INSYN2A: variants seen among roughly 807,000 people sequenced by gnomAD.
INSYN2A encodes family with sequence similarity 196 member A.
INSYN2A carries 17 observed loss-of-function variants against 39.4 expected under a neutral mutation model. The observed-to-expected ratio is 0.43, with a 90% CI of 0.30 to 0.65. The LOEUF is 0.65. Among genes scored for constraint, INSYN2A ranks in the 30% least tolerant of loss-of-function variants. The pLI is 0.14. For missense variants in INSYN2A, 595 were observed against 631.2 expected, an observed-to-expected ratio of 0.94 and a Z score of 0.61; for synonymous variants, 255 against 265.7, an observed-to-expected ratio of 0.96 and a Z score of 0.39.
intron 1 of INSYN2A, among the ~76,000 whole-genome samples, chr10:127,195,297 G>A (rs1336483858): frequency 6.6e-6 from 1 of 152,112 alleles, no homozygotes; most frequent in African/African-American, 2.4e-5. Flanking sequence ...CCGCCAGCTC[G>A]CAGTCTCTTA....
At chr10:127,184,121 G>C (rs2133999204) in intron 2 of INSYN2A, among the ~76,000 whole-genome samples, 1 of 152,210 alleles carries the variant, frequency 6.6e-6, no homozygotes, top group South Asian at 2.1e-4. Flanking sequence ...AGGGTGGCCT[G>C]GACTCAACCC....
Position 127,175,676 on chromosome 10 carries a change from G to A in INSYN2A, c.720C>T (p.Pro240=), listed in dbSNP as rs770775490. The A allele has an allele frequency of 8.1e-6, 13 of 1,613,552 alleles. No homozygotes were observed. The highest frequency in any genetic ancestry group is 6.7e-5 in the East Asian group (3 of 44,872). ...QDRGRPNSEE[P]APPALRRVFK... ...ACACCCTCCTGAGGGCAGGTGGAGCGGGCTCCTCGGAGTTTGGCCTCCCCC... is the reference window on the plus strand; with the variant it reads ...ACACCCTCCTGAGGGCAGGTGGAGCAGGCTCCTCGGAGTTTGGCCTCCCCC... The change falls in exon 4 of 6, where the codon CCC becomes CCT. Residue 240 remains proline (P), a synonymous_variant. Transcript: ENST00000522781. The surrounding 1 kb of genome is among the most constrained non-coding windows in gnomAD (Gnocchi z 6.3).
At chr10:127,147,919 T>C (rs1234134604) in intron 5 of INSYN2A, among the ~76,000 whole-genome samples, 5 of 149,956 alleles carry the variant, frequency 3.3e-5, no homozygotes, top group African/African-American at 1.2e-4. Flanking sequence ...TAGTCCCAGC[T>C]ACTCGGGAGG....
intron 5 of INSYN2A, among the ~76,000 whole-genome samples, chr10:127,149,584 G>A (rs2052278906): frequency 1.3e-5 from 2 of 152,152 alleles, no homozygotes; most frequent in Non-Finnish European, 2.9e-5. Context: ...GAAACACGGT[G>A]GATAGCTATG....
At chr10:127,152,541 G>A (rs552270989) in intron 5 of INSYN2A, among the ~76,000 whole-genome samples, 1 of 152,164 alleles carries the variant, frequency 6.6e-6, no homozygotes, top group East Asian at 1.9e-4. Flanking sequence ...CTAAGGTGGG[G>A]GTGGTTTCAG....
chr10:127,175,836 G>A lies in INSYN2A; in HGVS notation c.560C>T (p.Pro187Leu), dbSNP rs1265877542. ...GGGCTCTGTGCAGTTGACCCCCAAA[G>A]GCTGGTCCACTGTGTTCATGTGTTG... ...SNQHMNTVDQPLGVNCTEPCK... is the reference protein window; with the variant it reads ...SNQHMNTVDQLLGVNCTEPCK... The change falls in exon 4 of 6, where the codon CCT becomes CTT. Residue 187 changes from proline (P) to leucine (L), a missense_variant. By Grantham distance (98) the Pro-to-Leu change is moderately conservative. This residue lies in a region of INSYN2A where 478 missense variants were observed against 467.4 expected (regional missense o/e 1.02). Coordinates refer to ENST00000522781, the MANE Select transcript of INSYN2A (RefSeq NM_001039762.3). The surrounding 1 kb of genome is among the most constrained non-coding windows in gnomAD (Gnocchi z 6.3). 6.2e-7 allele frequency: 1 copy of A among 1,614,046 alleles called. No individual in the cohort carries two copies. Among genetic ancestry groups the A allele is most frequent in the Non-Finnish European group, 8.5e-7 (1 of 1,180,044 alleles).
rs536319972 is a variant in INSYN2A, at chr10:127,166,135, G to A, written c.1184+9077C>T. 2.5e-4 allele frequency among the ~76,000 whole-genome samples: 38 copies of A among 152,116 alleles called. No homozygotes were observed. In the South Asian group the frequency reaches 5.4e-3, roughly 22 times the overall value. ...GGCTGGAGTGCAGGGGCACAATCTC[G>A]GCTCACTGCAAGCTCTGCCTCCCGG... is the stretch of plus-strand genomic sequence containing the variant. On this transcript the variant is annotated intron_variant, in intron 4 of 5. Transcript: ENST00000522781.
intron 4 of INSYN2A, among the ~76,000 whole-genome samples, chr10:127,165,565 T>C (rs2053999337): frequency 6.6e-6 from 1 of 152,220 alleles, no homozygotes; most frequent in Non-Finnish European, 1.5e-5. Context: ...CTTTCCAGCC[T>C]ATCTTTAAGG....
At chr10:127,168,963 C>CTGATT (rs1274949166) in intron 4 of INSYN2A, among the ~76,000 whole-genome samples, 1 of 152,132 alleles carries the variant, frequency 6.6e-6, no homozygotes, top group Non-Finnish European at 1.5e-5. Context: ...TTTCTTATCC[C>CTGATT]CTGACAGGTC....
chr10:127,181,866 C>G (rs2055767976), intron 2 of INSYN2A, among the ~76,000 whole-genome samples: 1 of 152,212 alleles, frequency 6.6e-6, no homozygotes, highest in Non-Finnish European at 1.5e-5. Context: ...ACTGGAAGTC[C>G]TCTTTTCCTT....
At chr10:127,192,919 G>T (rs767527797) in intron 1 of INSYN2A, among the ~76,000 whole-genome samples, 189 bp from the exon 2 acceptor site, 1 of 152,088 alleles carries the variant, frequency 6.6e-6, no homozygotes, top group Non-Finnish European at 1.5e-5. Flanking sequence ...TAAATAAACT[G>T]ATTAAAAGTC....
In INSYN2A at chr10:127,145,891, G is replaced by A. The variant is rs746685449; in HGVS notation, c.1257-7871C>T. Reference sequence around the variant, plus strand: ...GTGTCATCTGGTGTCACCAGTGACCGGTCTAAACGTCAGCCTGTGCATTCC... The same window carrying A: ...GTGTCATCTGGTGTCACCAGTGACCAGTCTAAACGTCAGCCTGTGCATTCC... On this transcript the variant is annotated intron_variant, in intron 5 of 5. Coordinates refer to ENST00000522781, the MANE Select transcript of INSYN2A (RefSeq NM_001039762.3). 51 of 442,066 alleles carry A rather than the reference G, an allele frequency of 1.2e-4. 1 individual carries two copies. Among genetic ancestry groups the A allele is most frequent in the South Asian group, 3.1e-4 (18 of 58,626 alleles). The allele number at this position is 442,066 out of a possible 1,614,324, so 27.4% of individuals were successfully genotyped here. A position where few individuals can be genotyped will look rare whatever the true frequency, so the allele number is the denominator to read the frequency against.
chr10:127,181,306 A>G (rs1320101719), intron 2 of INSYN2A, among the ~76,000 whole-genome samples: 1 of 152,250 alleles, frequency 6.6e-6, no homozygotes, highest in Non-Finnish European at 1.5e-5. Context: ...TTAATTAGAA[A>G]TAAAACAGAC....
chr10:127,169,291 A>C (rs1186206962), intron 4 of INSYN2A, among the ~76,000 whole-genome samples: 1 of 152,000 alleles, frequency 6.6e-6, no homozygotes, highest in East Asian at 1.9e-4. Flanking sequence ...TGAACTGTGA[A>C]CCCCTCAAAG....
At chr10:127,173,303 A>G (rs1330428888) in intron 4 of INSYN2A, among the ~76,000 whole-genome samples, 2 of 152,202 alleles carry the variant, frequency 1.3e-5, no homozygotes, top group African/African-American at 4.8e-5. Context: ...ACAGAGACAT[A>G]CAGCCCTTGC....
chr10:127,166,219 C>T (rs975427386), intron 4 of INSYN2A, among the ~76,000 whole-genome samples: 1 of 152,176 alleles, frequency 6.6e-6, no homozygotes, highest in African/African-American at 2.4e-5. Flanking sequence ...GTGCCTGCCA[C>T]CACGCCCAGC....
At chr10:127,188,799 A>T (rs1002760589) in intron 2 of INSYN2A, among the ~76,000 whole-genome samples, 13 of 152,262 alleles carry the variant, frequency 8.5e-5, no homozygotes, top group Admixed American at 8.5e-4. Context: ...TGCTTTGTGT[A>T]TGTCTGAACC....
chr10:127,154,945 T>G (rs1300922560), intron 4 of INSYN2A, among the ~76,000 whole-genome samples: 3 of 152,210 alleles, frequency 2.0e-5, no homozygotes, highest in African/African-American at 7.2e-5. Context: ...TTCTCCTATT[T>G]TATCCAGCCT....
At chr10:127,187,736 AAGAAAGAAAGAGAGAAAGAG>A (rs1273669862) in intron 2 of INSYN2A, among the ~76,000 whole-genome samples, 2 of 99,972 alleles carry the variant, frequency 2.0e-5, no homozygotes, top group Non-Finnish European at 2.4e-5. Context: ...GAGAGAAAGA[AAGAAAGAAAGAGAGAAAGAG>A]AGAAAGAAAG....
Sources: allele counts gnomAD v4.1 joint callset (sites outside exome capture counted in the v4.1 genomes callset), GRCh38; gene constraint gnomAD v4.1.1; regional missense constraint gnomAD v4.1.1; non-coding constraint Gnocchi (gnomAD v3.1); transcripts MANE v1.5; gene names NCBI Gene and HGNC (gene_info 2026-07-23, HGNC 2026-07-21).